The following CAPN12 variants were observed in gnomAD, a reference collection of about 807,000 sequenced individuals.
The protein encoded by CAPN12 is calpain 12.
In CAPN12, 107 loss-of-function variants were observed where a neutral mutation model predicts 95.0. The observed-to-expected ratio is 1.13, with a 90% CI of 0.96 to 1.32. The LOEUF (loss-of-function observed/expected upper bound fraction) is 1.32. Among genes scored for constraint, CAPN12 ranks in the 40% most tolerant of loss-of-function variants. The probability of loss-of-function intolerance (pLI) is 0.00; values close to 1 mark genes in which losing one functional copy is unlikely to be tolerated. For synonymous variants in CAPN12, 505 were observed against 415.5 expected, an observed-to-expected ratio of 1.22 and a Z score of -2.62; for missense variants, 1,136 against 997.8, an observed-to-expected ratio of 1.14 and a Z score of -1.87.
intron 17 of CAPN12, 104 bp downstream of exon 17, chr19:38,734,038 A>C: frequency 6.7e-5 from 86 of 1,285,482 alleles, no homozygotes; most frequent in South Asian, 8.2e-5. Flanking sequence ...AGCCTAGTCC[A>C]GTACCCCCTC....
At chr19:38,731,315 G>GCCACAGGGTGTC in intron 18 of CAPN12, 92 bp from the exon 19 acceptor site, 1 of 948,594 alleles carries the variant, frequency 1.1e-6, no homozygotes, top group Non-Finnish European at 1.7e-6. Flanking sequence ...GGACATGAAT[G>GCCACAGGGTGTC]CCACAGGGTG....
At chr19:38,743,825 C>T in intron 1 of CAPN12, 104 bp downstream of exon 1, 1 of 1,113,980 alleles carries the variant, frequency 9.0e-7, no homozygotes. Context: ...CTCCCTCAGA[C>T]CAGGGAGTCC....
chr19:38,743,304 C>G (rs1165415945), intron 1 of CAPN12, among the ~76,000 whole-genome samples: 2 of 149,800 alleles, frequency 1.3e-5, no homozygotes, highest in Admixed American at 1.3e-4. Flanking sequence ...GGCCCAGCCC[C>G]TCCTCCCTCA....
intron 9 of CAPN12, 23 bp downstream of exon 9, chr19:38,737,452 T>TC (rs1463653252): frequency 1.2e-6 from 2 of 1,612,360 alleles, no homozygotes; most frequent in Admixed American, 3.3e-5. Flanking sequence ...CCAGGAAGCC[T>TC]CTCAGGGCCC....
At chr19:38,733,582 A>G in intron 18 of CAPN12, 121 bp downstream of exon 18, 1 of 848,854 alleles carries the variant, frequency 1.2e-6, no homozygotes, top group Non-Finnish European at 1.9e-6. Flanking sequence ...CAACAAGCTA[A>G]GGTGTGGGCC....
At chr19:38,735,061 G>T in intron 14 of CAPN12, 191 bp from the exon 15 acceptor site, 1 of 621,124 alleles carries the variant, frequency 1.6e-6, no homozygotes, top group Non-Finnish European at 2.8e-6. Context: ...CTGGTGGGGG[G>T]CCAGCAGACC....
rs772903539 is a variant in CAPN12, at chr19:38,735,546, T to C, written c.1584-2A>G. On this transcript the variant is annotated splice_acceptor_variant, in intron 12 of 20. Coordinates refer to ENST00000328867, the MANE Select transcript of CAPN12 (RefSeq NM_144691.4). LOFTEE classifies it high-confidence loss of function. ...GCGCTGATCACGTCGTCGATCTCCC[T>C]GCAAATTACAGATGGGAAGTGGGGA... 12 of 1,609,078 alleles carry C rather than the reference T, an allele frequency of 7.5e-6. No homozygotes were observed. The South Asian group carries it at 1.2e-4, about 16-fold the overall frequency.
intron 14 of CAPN12, 126 bp downstream of exon 14, chr19:38,735,244 A>T: frequency 1.1e-6 from 1 of 924,828 alleles, no homozygotes; most frequent in Non-Finnish European, 1.6e-6. Context: ...AAAGGTCAGG[A>T]GATTTAAGCC....
chr19:38,737,757 C>CA (rs1276909369), intron 8 of CAPN12, 119 bp from the exon 9 acceptor site: 44 of 1,318,088 alleles, frequency 3.3e-5, no homozygotes, highest in Non-Finnish European at 4.4e-5. Context: ...AAATACCCTT[C>CA]AGGCTCCAGA....
At chr19:38,734,960 G>A (rs1969913357) in intron 14 of CAPN12, 90 bp from the exon 15 acceptor site, 3 of 1,215,960 alleles carry the variant, frequency 2.5e-6, no homozygotes, top group South Asian at 1.3e-5. Flanking sequence ...GGGGCTGACA[G>A]AGCCTCAGAG....
intron 1 of CAPN12, 103 bp downstream of exon 1, chr19:38,743,826 C>CCA: frequency 8.9e-7 from 1 of 1,123,096 alleles, no homozygotes; most frequent in Non-Finnish European, 1.3e-6. Flanking sequence ...TCCCTCAGAC[C>CCA]AGGGAGTCCA....
chr19:38,733,446 C>G, intron 18 of CAPN12: 1 of 486,752 alleles, frequency 2.1e-6, no homozygotes, highest in Non-Finnish European at 3.7e-6. Context: ...AGGGGCCTCT[C>G]CCTGCCCCAG....
At chr19:38,734,424 C>G in intron 15 of CAPN12, 35 bp from the exon 16 acceptor site, 2 of 1,541,030 alleles carry the variant, frequency 1.3e-6, no homozygotes, top group South Asian at 1.2e-5. Flanking sequence ...ACAGCACTTC[C>G]TGCATTCTGG....
intron 8 of CAPN12, among the ~76,000 whole-genome samples, chr19:38,737,980 C>T (rs1289852759): frequency 6.6e-6 from 1 of 152,136 alleles, no homozygotes; most frequent in East Asian, 1.9e-4. Context: ...CAAATATCAC[C>T]AAGCCTTCCT....
In CAPN12 at chr19:38,744,010, A is replaced by AG; in HGVS notation, c.155dup (p.Ala53CysfsTer4). On this transcript the variant is annotated frameshift_variant, in exon 1 of 21. Coordinates refer to ENST00000328867, the MANE Select transcript of CAPN12 (RefSeq NM_144691.4). LOFTEE classifies it high-confidence loss of function. ...CATAGCCAAGGGCATCAGGGCCAGC[A>AG]GGGAAGTAAGGGTCGCGGAACAGGA... The AG allele has an allele frequency of 2.5e-6, 4 of 1,614,252 alleles. No homozygotes were observed. The highest frequency in any genetic ancestry group is 2.2e-5 in the South Asian group (2 of 91,090).
At chr19:38,741,745 G>A in intron 4 of CAPN12, 32 bp downstream of exon 4, 1 of 1,611,934 alleles carries the variant, frequency 6.2e-7, no homozygotes, top group East Asian at 2.2e-5. Context: ...TGGGGACTTA[G>A]GGCTGCAGCT....
At position 38,737,375 on chromosome 19, in the gene CAPN12, G is replaced by A. The variant is rs1262400230; in HGVS notation, c.1143C>T (p.Thr381=). ...GCAGCGTTAAACGGAACTGAGGATT[G>A]GTCCAGAAGGTTTCTAAGGGAGGAG... ...GSQPNAETFW[T]NPQFRLTLLE... Residue 381 remains threonine, a synonymous_variant, in exon 10 of 21, where the codon ACC becomes ACT. Coordinates refer to ENST00000328867, the MANE Select transcript of CAPN12 (RefSeq NM_144691.4). 1.2e-6 allele frequency: 2 copies of A among 1,608,642 alleles called. No homozygotes were observed. Among genetic ancestry groups the A allele is most frequent in the Admixed American group, 1.7e-5 (1 of 59,370 alleles).
chr19:38,738,430 G>GC lies in CAPN12; in HGVS notation c.877dup (p.Ala293GlyfsTer83), dbSNP rs761958550. On this transcript the variant is annotated frameshift_variant, in exon 7 of 21. Transcript: ENST00000328867. LOFTEE classifies it high-confidence loss of function. ...AGACCCATCCCACCTGTCGCTCCAG[G>GC]CCCCCGTCCACTCCACGCAGCCCCA... 5 of 1,609,426 alleles carry GC rather than the reference G, an allele frequency of 3.1e-6. No homozygotes were observed. The Admixed American group carries it at 8.4e-5, about 27-fold the overall frequency.
chr19:38,733,467 A>G, intron 18 of CAPN12: 1 of 502,722 alleles, frequency 2.0e-6, no homozygotes, highest in Non-Finnish European at 3.5e-6. Flanking sequence ...AACCCCTACC[A>G]GGCACATCCC....
Sources: allele counts gnomAD v4.1 joint callset (sites outside exome capture counted in the v4.1 genomes callset), GRCh38; gene constraint gnomAD v4.1.1; transcripts MANE v1.5; gene names NCBI Gene and HGNC (gene_info 2026-07-23, HGNC 2026-07-21).